The following CREB1 variants were observed in gnomAD, a reference collection of about 807,000 sequenced individuals.
The protein encoded by CREB1 is cyclic AMP-responsive element-binding protein 1.
CREB1 carries 2 observed loss-of-function variants against 42.0 expected under a neutral mutation model. The observed-to-expected ratio is 0.05, with a 90% CI of 0.02 to 0.15. The LOEUF is 0.15. Among genes scored for constraint, CREB1 ranks in the 10% least tolerant of loss-of-function variants. CREB1 has a pLI of 1.00. For synonymous variants in CREB1, 123 were observed against 139.9 expected (o/e 0.88, Z 0.85); for missense variants, 199 against 388.9 (o/e 0.51, Z 4.11).
At chr2:207,540,934 G>T (rs1457493131) in intron 1 of CREB1, among the ~76,000 whole-genome samples, 1 of 151,988 alleles carries the variant, frequency 6.6e-6, no homozygotes. Flanking sequence ...ATTTAGTGTA[G>T]CCTGGATGGG....
chr2:207,583,889 C>T (rs1233643877), intron 7 of CREB1, among the ~76,000 whole-genome samples: 1 of 152,228 alleles, frequency 6.6e-6, no homozygotes, highest in Non-Finnish European at 1.5e-5. Context: ...CCTTATAGTT[C>T]TGCCTATTCC....
At chr2:207,592,918 G>GAAAAAAAAAAAGAAAA (rs1034475253) in intron 7 of CREB1, among the ~76,000 whole-genome samples, 1 of 151,822 alleles carries the variant, frequency 6.6e-6, no homozygotes, top group Non-Finnish European at 1.5e-5. Flanking sequence ...TCTCAAAAAA[G>GAAAAAAAAAAAGAAAA]AAAAGAAAAT....
At chr2:207,571,768 A>C (rs374779901) in intron 5 of CREB1, 1 of 454,716 alleles carries the variant, frequency 2.2e-6, no homozygotes, top group Non-Finnish European at 4.4e-6. Flanking sequence ...CCTGTCAGTA[A>C]CAGATTCACT....
At chr2:207,568,290 C>A (rs1402805051) in intron 4 of CREB1, 4 of 152,118 alleles carry the variant, frequency 2.6e-5, no homozygotes, top group Non-Finnish European at 2.9e-5. Context: ...TCTGTCCTTA[C>A]AATTAAATTA....
chr2:207,536,220 G>C (rs983641514), intron 1 of CREB1, among the ~76,000 whole-genome samples: 1 of 152,142 alleles, frequency 6.6e-6, no homozygotes, highest in Non-Finnish European at 1.5e-5. Flanking sequence ...TAATATAGCA[G>C]CAAGGGCACA....
At chr2:207,531,813 T>C (rs550950828) in intron 1 of CREB1, among the ~76,000 whole-genome samples, 140 of 152,364 alleles carry the variant, frequency 9.2e-4, no homozygotes, top group African/African-American at 3.3e-3. Context: ...ACTGTCTTAT[T>C]TTTCTGTATT....
At chr2:207,538,114 A>G (rs1456622013) in intron 1 of CREB1, among the ~76,000 whole-genome samples, 1 of 152,204 alleles carries the variant, frequency 6.6e-6, no homozygotes, top group Non-Finnish European at 1.5e-5. Context: ...TTTTCATGGC[A>G]TCATGTCAGT....
chr2:207,593,797 C>CA (rs1459683565), intron 7 of CREB1, among the ~76,000 whole-genome samples: 2 of 149,456 alleles, frequency 1.3e-5, no homozygotes, highest in African/African-American at 4.9e-5. Context: ...TGGCTCACTG[C>CA]AATCTCTGCC....
chr2:207,538,524 C>T (rs1313057090), intron 1 of CREB1, among the ~76,000 whole-genome samples: 1 of 151,796 alleles, frequency 6.6e-6, no homozygotes, highest in Non-Finnish European at 1.5e-5. Context: ...ATGAAAAACA[C>T]CCTTTCAGTT....
Position 207,588,969 on chromosome 2 carries a change from A to G in CREB1, c.840-7945A>G, listed in dbSNP as rs903279437. 2.0e-5 allele frequency among the ~76,000 whole-genome samples: 3 copies of G among 152,106 alleles called. No homozygotes were observed. In the East Asian group the frequency reaches 5.8e-4, roughly 29 times the overall value. On this transcript the variant is annotated intron_variant, in intron 7 of 7. Transcript: ENST00000353267. ...AATATGGACAGTTTTAATTATTTCTAATCTGCATGCCTTTTAATTTTTTTT... is the reference window on the plus strand; with the variant it reads ...AATATGGACAGTTTTAATTATTTCTGATCTGCATGCCTTTTAATTTTTTTT...
chr2:207,560,158 C>G (rs2081900115), intron 2 of CREB1, 68 bp from the exon 3 acceptor site: 1 of 1,379,592 alleles, frequency 7.2e-7, no homozygotes, highest in African/African-American at 1.4e-5. Context: ...AAAGTTATTT[C>G]ATATTGAACA....
chr2:207,592,950 A>G (rs1348301143), intron 7 of CREB1, among the ~76,000 whole-genome samples: 1 of 100,534 alleles, frequency 9.9e-6, no homozygotes, highest in Non-Finnish European at 2.1e-5. Context: ...CTTTCTTCAA[A>G]TATTTTTCCG....
chr2:207,543,345 A>T, intron 1 of CREB1, among the ~76,000 whole-genome samples: 1 of 152,236 alleles, frequency 6.6e-6, no homozygotes, highest in East Asian at 1.9e-4. Context: ...AGAATTTATT[A>T]TAATGACTGC....
intron 5 of CREB1, chr2:207,571,872 C>A: frequency 2.7e-6 from 1 of 373,262 alleles, no homozygotes; most frequent in Non-Finnish European, 5.4e-6. Flanking sequence ...AGAAAAGTAC[C>A]AGCACCCCCA....
intron 7 of CREB1, among the ~76,000 whole-genome samples, chr2:207,595,724 T>G (rs908036395): frequency 1.6e-4 from 25 of 152,232 alleles, no homozygotes; most frequent in African/African-American, 6.0e-4. Flanking sequence ...GCCACCACAC[T>G]TGGCTAAATT....
chr2:207,581,930 C>T (rs779953761), intron 7 of CREB1: 40 of 702,722 alleles, frequency 5.7e-5, no homozygotes, highest in Non-Finnish European at 1.0e-4. Context: ...CCTCAGTTTG[C>T]ATTTGTCCAG....
At chr2:207,533,162 A>G (rs1574741167) in intron 1 of CREB1, among the ~76,000 whole-genome samples, 1 of 152,270 alleles carries the variant, frequency 6.6e-6, no homozygotes, top group Admixed American at 6.5e-5. Flanking sequence ...AAGAATGTTA[A>G]AAGAACACTT....
intron 7 of CREB1, among the ~76,000 whole-genome samples, chr2:207,590,115 AC>A (rs2084730180): frequency 8.8e-6 from 1 of 113,852 alleles, no homozygotes; most frequent in African/African-American, 3.4e-5. Context: ...TTTAATAGAT[AC>A]GGGATCATTC....
chr2:207,559,643 T>C (rs572214514), intron 2 of CREB1, among the ~76,000 whole-genome samples: 2 of 152,346 alleles, frequency 1.3e-5, no homozygotes, highest in African/African-American at 4.8e-5. Flanking sequence ...AACCTGGGTA[T>C]TGACTCATTA....
Sources: allele counts gnomAD v4.1 joint callset (sites outside exome capture counted in the v4.1 genomes callset), GRCh38; gene constraint gnomAD v4.1.1; transcripts MANE v1.5; gene names NCBI Gene and HGNC (gene_info 2026-07-23, HGNC 2026-07-21).